The following MYO16 variants were observed in gnomAD, a reference collection of about 807,000 sequenced individuals.
The protein encoded by MYO16 is unconventional myosin-XVI.
A neutral mutation model predicts 205.3 loss-of-function variants in MYO16; 94 were observed. The observed-to-expected ratio is 0.46, with a 90% confidence interval of 0.39 to 0.54. MYO16 has a LOEUF of 0.54. MYO16 is among the 20% of genes least tolerant of loss of function. The probability of loss-of-function intolerance (pLI) is 0.00; values close to 1 mark genes in which losing one functional copy is unlikely to be tolerated. For missense variants in MYO16, 2,315 were observed against 2,387.5 expected, an observed-to-expected ratio of 0.97 and a Z score of 0.63; for synonymous variants, 988 against 954.0, an observed-to-expected ratio of 1.04 and a Z score of -0.66.
At chr13:108,831,308 T>A (rs1256664499) in intron 9 of MYO16, among the ~76,000 whole-genome samples, 1 of 152,192 alleles carries the variant, frequency 6.6e-6, no homozygotes, top group Non-Finnish European at 1.5e-5. Context: ...AATTTGTAAT[T>A]TAAAAAATCA....
chr13:109,178,609 T>G (rs1196673642), intron 33 of MYO16, among the ~76,000 whole-genome samples: 2 of 152,206 alleles, frequency 1.3e-5, no homozygotes, highest in African/African-American at 4.8e-5. Flanking sequence ...TTTCTCTTTT[T>G]GTCTATTCAT....
intron 9 of MYO16, 113 bp from the exon 10 acceptor site, chr13:108,844,217 GTTTATAAGAAATA>G: frequency 1.5e-6 from 1 of 680,766 alleles, no homozygotes; most frequent in East Asian, 3.3e-5. Context: ...TTTTCCTGCA[GTTTATAAGAAATA>G]TTTCTTATCT....
intron 27 of MYO16, among the ~76,000 whole-genome samples, chr13:109,071,399 C>T (rs1010752868): frequency 2.0e-5 from 3 of 152,076 alleles, no homozygotes; most frequent in Non-Finnish European, 2.9e-5. Flanking sequence ...ATTAGCAGTG[C>T]GTATAGTGAG....
At chr13:108,697,228 A>C (rs376660174) in intron 2 of MYO16, among the ~76,000 whole-genome samples, 12 of 152,214 alleles carry the variant, frequency 7.9e-5, no homozygotes, top group African/African-American at 2.9e-4. Context: ...CAATAAATCC[A>C]TGAATGTTCA....
intron 1 of MYO16, among the ~76,000 whole-genome samples, chr13:108,645,923 T>C (rs7339109): frequency 0.18 from 27,678 of 152,070 alleles, 3,843 homozygotes; most frequent in African/African-American, 0.38. Flanking sequence ...GCATAAGTAG[T>C]CCTGCCCCAG....
At chr13:108,630,344 G>A (rs560739413) in intron 1 of MYO16, among the ~76,000 whole-genome samples, 2 of 152,268 alleles carry the variant, frequency 1.3e-5, no homozygotes, top group East Asian at 3.9e-4. Flanking sequence ...GGTTATCCTT[G>A]ACTGTAAACT....
intron 34 of MYO16, among the ~76,000 whole-genome samples, chr13:109,183,112 G>T (rs529308979): frequency 3.7e-4 from 57 of 152,274 alleles, no homozygotes; most frequent in African/African-American, 1.3e-3. Flanking sequence ...AAAAGAATAT[G>T]ACATTTATCT....
At chr13:108,688,151 TA>T (rs1882753772) in intron 2 of MYO16, among the ~76,000 whole-genome samples, 1 of 152,088 alleles carries the variant, frequency 6.6e-6, no homozygotes, top group Non-Finnish European at 1.5e-5. Context: ...TGTAAAAAAA[TA>T]GGAAATTACA....
At chr13:109,035,530 A>T (rs1886689412) in intron 23 of MYO16, among the ~76,000 whole-genome samples, 1 of 152,098 alleles carries the variant, frequency 6.6e-6, no homozygotes, top group African/African-American at 2.4e-5. Context: ...CTAAAAATAC[A>T]AAAATTAGCC....
intron 23 of MYO16, 35 bp from the exon 24 acceptor site, chr13:109,046,881 A>G (rs1887061678): frequency 1.3e-6 from 2 of 1,505,654 alleles, no homozygotes; most frequent in Admixed American, 1.7e-5. Flanking sequence ...GTCATGTTGA[A>G]TCATTAGTAA....
chr13:108,896,982 TGA>T (rs903650884), intron 14 of MYO16, among the ~76,000 whole-genome samples: 2 of 151,588 alleles, frequency 1.3e-5, no homozygotes, highest in African/African-American at 4.8e-5. Flanking sequence ...GATGACAGAG[TGA>T]GACTCTGTCT....
the MYO16 span, among the ~76,000 whole-genome samples, chr13:108,525,719 T>C: frequency 6.6e-6 from 1 of 152,242 alleles, no homozygotes; most frequent in Non-Finnish European, 1.5e-5. Flanking sequence ...TGGCCTAGCA[T>C]GCCAGGTAGG....
the MYO16 span, among the ~76,000 whole-genome samples, chr13:108,499,242 G>A: frequency 6.6e-6 from 1 of 152,158 alleles, no homozygotes; most frequent in Non-Finnish European, 1.5e-5. Flanking sequence ...ATTCTATAGT[G>A]ACATTTCCTG....
At chr13:108,964,243 C>T (rs979117793) in intron 19 of MYO16, among the ~76,000 whole-genome samples, 7 of 152,228 alleles carry the variant, frequency 4.6e-5, no homozygotes, top group Admixed American at 6.5e-5. Flanking sequence ...CTTCCCCAAA[C>T]CTATCACTCA....
intron 15 of MYO16, among the ~76,000 whole-genome samples, chr13:108,909,666 G>A (rs978671133): frequency 7.9e-5 from 12 of 151,724 alleles, no homozygotes; most frequent in South Asian, 2.1e-4. Flanking sequence ...CAACATGGCC[G>A]GGACTCTCAA....
At chr13:109,068,684 C>T (rs775062668) in intron 27 of MYO16, among the ~76,000 whole-genome samples, 20 of 151,866 alleles carry the variant, frequency 1.3e-4, no homozygotes, top group Non-Finnish European at 2.6e-4. Flanking sequence ...CTCCACCTCC[C>T]GAGTTCAAGC....
intron 27 of MYO16, among the ~76,000 whole-genome samples, chr13:109,070,193 G>T (rs1229377458): frequency 1.3e-5 from 2 of 152,244 alleles, no homozygotes; most frequent in East Asian, 3.9e-4. Context: ...TCCTGACAAA[G>T]CAGGACATAC....
intron 32 of MYO16, among the ~76,000 whole-genome samples, chr13:109,142,179 C>T (rs996437157): frequency 1.3e-5 from 2 of 152,214 alleles, no homozygotes; most frequent in Admixed American, 6.5e-5. Context: ...TCAGATGACA[C>T]GACCTCAGTG....
intron 31 of MYO16, among the ~76,000 whole-genome samples, chr13:109,129,545 C>G (rs2139780508): frequency 6.6e-6 from 1 of 152,280 alleles, no homozygotes; most frequent in South Asian, 2.1e-4. Context: ...CCCGTTGCCA[C>G]TGTTCCTACT....
Sources: gnomAD v4.1 joint callset for allele counts (sites outside exome capture counted in the v4.1 genomes callset) on GRCh38, gnomAD v4.1.1 for gene constraint, MANE v1.5 for transcripts, NCBI Gene and HGNC (gene_info 2026-07-23, HGNC 2026-07-21) for gene names.